Variants in DGKB observed in about 807,000 individuals in gnomAD.
The protein encoded by DGKB is 90 kDa diacylglycerol kinase.
A neutral mutation model predicts 114.3 loss-of-function variants in DGKB; 67 were observed. The ratio of observed to expected loss-of-function variants is 0.59; its 90% CI spans 0.48 to 0.72. The LOEUF (loss-of-function observed/expected upper bound fraction) is 0.72, where lower values mean the gene tolerates loss of function less well. Ranked by LOEUF, DGKB falls within the 30% of genes least tolerant of loss-of-function variation. The pLI, the probability that DGKB is intolerant of heterozygous loss-of-function variation, is 0.00. For synonymous variants in DGKB, 398 were observed against 323.1 expected (o/e 1.23, Z -2.49); for missense variants, 907 against 975.2 (o/e 0.93, Z 0.93).
chr7:14,534,655 T>G (rs1792133534), intron 20 of DGKB, among the ~76,000 whole-genome samples: 1 of 151,892 alleles, frequency 6.6e-6, no homozygotes, highest in South Asian at 2.1e-4. Flanking sequence ...ATCTTGGAAA[T>G]GGAAACCAAA....
intron 1 of DGKB, among the ~76,000 whole-genome samples, chr7:14,862,764 T>G (rs1851178387): frequency 6.6e-6 from 1 of 152,138 alleles, no homozygotes; most frequent in Non-Finnish European, 1.5e-5. Flanking sequence ...ATAACTTCTC[T>G]GTACAAATTG....
chr7:14,789,635 G>A (rs767519956), intron 2 of DGKB, among the ~76,000 whole-genome samples: 3 of 152,030 alleles, frequency 2.0e-5, no homozygotes, highest in African/African-American at 7.3e-5. Context: ...GCTCACTGAA[G>A]CCTTGACCTC....
chr7:14,689,896 A>G (rs540119325), intron 9 of DGKB, among the ~76,000 whole-genome samples: 2 of 152,266 alleles, frequency 1.3e-5, no homozygotes, highest in South Asian at 4.1e-4. Flanking sequence ...GAGAGTCAAG[A>G]AAAAAATGTG....
At chr7:14,429,582 C>T (rs560349238) in intron 21 of DGKB, among the ~76,000 whole-genome samples, 58 of 152,232 alleles carry the variant, frequency 3.8e-4, no homozygotes, top group African/African-American at 1.4e-3. Flanking sequence ...AGTCTGATCT[C>T]CTCTTCACTC....
rs988254563 is a variant in DGKB at position 14,313,634 on chromosome 7, C to A, written c.2122+24881G>T. Among the ~76,000 whole-genome samples, 6 of 152,060 alleles carry A rather than the reference C, an allele frequency of 3.9e-5. No homozygotes were observed. The East Asian group carries it at 7.7e-4, about 20-fold the overall frequency. On this transcript the variant is annotated intron_variant, in intron 23 of 25. Transcript: ENST00000402815. The stretch of plus-strand genomic sequence containing the variant: ...CGCACCTGGCTCGGAGGGTCCTACG[C>A]CCACGGAGTCTCGCTGATTGCTAGC...
At chr7:14,266,938 CTT>C (rs1338275667) in intron 23 of DGKB, among the ~76,000 whole-genome samples, 2 of 152,186 alleles carry the variant, frequency 1.3e-5, no homozygotes, top group East Asian at 3.9e-4. Context: ...GTTTTAATTT[CTT>C]TGTCATCTAA....
rs551165630 is a variant in DGKB at position 14,635,295 on chromosome 7, C to G, written c.1135-5027G>C. ...TAGAGTTTTGTCTGGAGGCTATTGA[C>G]AAGAAGGGAACCAACAGAATTTTAA... On this transcript the variant is annotated intron_variant, in intron 13 of 25. Coordinates refer to ENST00000402815, the MANE Select transcript of DGKB (RefSeq NM_001350709.2). 1.4e-4 allele frequency among the ~76,000 whole-genome samples: 12 copies of G among 86,222 alleles called. 1 individual carries two copies. Among genetic ancestry groups the G allele is most frequent in the African/African-American group, 7.5e-4 (12 of 15,964 alleles). The allele number at this position is 86,222 out of a possible 152,430, so 56.6% of individuals were successfully genotyped here.
At chr7:14,471,876 G>T (rs1187742962) in intron 21 of DGKB, among the ~76,000 whole-genome samples, 1 of 152,052 alleles carries the variant, frequency 6.6e-6, no homozygotes, top group African/African-American at 2.4e-5. Context: ...AAACTGTGTA[G>T]TTACTAAAGC....
At chr7:14,700,239 A>T (rs1234298730) in intron 7 of DGKB, among the ~76,000 whole-genome samples, 1 of 139,076 alleles carries the variant, frequency 7.2e-6, no homozygotes, top group African/African-American at 2.7e-5. Flanking sequence ...TTTGAGATGG[A>T]GTCTTGCTCT....
At chr7:14,430,515 T>A (rs916724067) in intron 21 of DGKB, among the ~76,000 whole-genome samples, 1 of 152,174 alleles carries the variant, frequency 6.6e-6, no homozygotes, top group African/African-American at 2.4e-5. Context: ...CATACATAGT[T>A]TTAAGATTTA....
chr7:14,546,518 C>T (rs1329623009), intron 20 of DGKB, among the ~76,000 whole-genome samples: 4 of 152,158 alleles, frequency 2.6e-5, no homozygotes, highest in Non-Finnish European at 1.5e-5. Context: ...GGCCTCCTCA[C>T]AATTTAATGC....
intron 23 of DGKB, among the ~76,000 whole-genome samples, chr7:14,282,931 C>T (rs1022618947): frequency 9.2e-5 from 14 of 152,116 alleles, no homozygotes; most frequent in African/African-American, 3.4e-4. Context: ...AAACTGGAAG[C>T]ATTCCCTTTG....
chr7:14,878,158 T>A (rs568183083), intron 1 of DGKB, among the ~76,000 whole-genome samples: 1 of 151,956 alleles, frequency 6.6e-6, no homozygotes, highest in Non-Finnish European at 1.5e-5. Context: ...CTTGCACATA[T>A]AAATCTATAA....
chr7:14,834,959 A>G (rs1278540460), intron 2 of DGKB, among the ~76,000 whole-genome samples: 1 of 152,142 alleles, frequency 6.6e-6, no homozygotes, highest in African/African-American at 2.4e-5. Context: ...AAGATTTAAG[A>G]CATATGGACA....
chr7:14,259,434 T>G (rs1011920635), intron 23 of DGKB, among the ~76,000 whole-genome samples: 2 of 151,710 alleles, frequency 1.3e-5, no homozygotes, highest in African/African-American at 2.4e-5. Context: ...TATATGGTTT[T>G]GTTTTGTTAT....
At chr7:14,841,054 C>T (rs1338788355) in intron 2 of DGKB, 140 bp downstream of exon 2, 8 of 652,876 alleles carry the variant, frequency 1.2e-5, no homozygotes, top group Non-Finnish European at 2.0e-5. Context: ...AGTCTCAAGT[C>T]AACCTGACTT....
chr7:14,553,232 T>C (rs1795365900), intron 20 of DGKB, among the ~76,000 whole-genome samples: 2 of 152,382 alleles, frequency 1.3e-5, no homozygotes, highest in Non-Finnish European at 2.9e-5. Flanking sequence ...TTTGTCACTT[T>C]CCTTTATAGT....
At chr7:14,639,859 G>T (rs16878247) in intron 13 of DGKB, among the ~76,000 whole-genome samples, 2,740 of 152,246 alleles carry the variant, frequency 0.018, 37 homozygotes, top group South Asian at 0.036. Context: ...ACCTAAAAGA[G>T]TGCAATTCGA....
At chr7:14,630,439 AT>A (rs1425096238) in intron 13 of DGKB, among the ~76,000 whole-genome samples, 171 bp from the exon 14 acceptor site, 1 of 152,086 alleles carries the variant, frequency 6.6e-6, no homozygotes, top group African/African-American at 2.4e-5. Context: ...ATATCTTTTC[AT>A]TGAATAAGAA....
Sources: allele counts gnomAD v4.1 joint callset (sites outside exome capture counted in the v4.1 genomes callset), GRCh38; gene constraint gnomAD v4.1.1; transcripts MANE v1.5; gene names NCBI Gene and HGNC (gene_info 2026-07-23, HGNC 2026-07-21).